ERP44: variants seen among roughly 807,000 people sequenced by gnomAD.
ERP44 encodes endoplasmic reticulum resident protein 44.
A neutral mutation model predicts 53.4 loss-of-function variants in ERP44; 25 were observed. The observed-to-expected ratio is 0.47, with a 90% CI of 0.34 to 0.65. The LOEUF is 0.65. ERP44 is among the 30% of genes least tolerant of loss of function. The pLI, the probability that ERP44 is intolerant of heterozygous loss-of-function variation, is 0.01. For synonymous variants in ERP44, 145 were observed against 161.2 expected, an observed-to-expected ratio of 0.90 and a Z score of 0.76; for missense variants, 338 against 493.2, an observed-to-expected ratio of 0.69 and a Z score of 2.98.
At chr9:100,069,221 T>C (rs1263051618) in intron 1 of ERP44, among the ~76,000 whole-genome samples, 25 of 148,088 alleles carry the variant, frequency 1.7e-4, no homozygotes, top group African/African-American at 6.0e-4. Flanking sequence ...CTGCTGACCC[T>C]CCCTCCATTA....
At chr9:100,040,970 T>C (rs1046775935) in intron 4 of ERP44, among the ~76,000 whole-genome samples, 2 of 151,972 alleles carry the variant, frequency 1.3e-5, no homozygotes, top group Non-Finnish European at 2.9e-5. Flanking sequence ...TCTACAATGA[T>C]AATTATAAAA....
chr9:99,993,490 A>G (rs1314053010), intron 10 of ERP44, among the ~76,000 whole-genome samples: 1 of 152,236 alleles, frequency 6.6e-6, no homozygotes, highest in African/African-American at 2.4e-5. Context: ...TCCCTTCCTT[A>G]CACCATATAC....
At chr9:100,033,707 A>G (rs1825819224) in intron 4 of ERP44, among the ~76,000 whole-genome samples, 1 of 152,168 alleles carries the variant, frequency 6.6e-6, no homozygotes, top group Admixed American at 6.5e-5. Flanking sequence ...TTTTTCTGCT[A>G]TTGAGACTGA....
intron 4 of ERP44, among the ~76,000 whole-genome samples, chr9:100,038,149 A>G (rs1331020361): frequency 2.0e-5 from 3 of 152,226 alleles, no homozygotes; most frequent in African/African-American, 4.8e-5. Context: ...GTTAATAATA[A>G]GAAATCATCT....
intron 5 of ERP44, among the ~76,000 whole-genome samples, chr9:100,021,595 A>C (rs1254054907): frequency 2.6e-5 from 4 of 152,208 alleles, no homozygotes. Flanking sequence ...GTTATCTTTA[A>C]AACACTACCT....
chr9:100,014,173 T>C (rs960568604), intron 8 of ERP44, among the ~76,000 whole-genome samples: 1 of 152,248 alleles, frequency 6.6e-6, no homozygotes, highest in Non-Finnish European at 1.5e-5. Context: ...AAATACTTTA[T>C]TTCTTGACTT....
chr9:100,027,359 T>A (rs888263387), intron 4 of ERP44, among the ~76,000 whole-genome samples: 1 of 152,252 alleles, frequency 6.6e-6, no homozygotes, highest in Non-Finnish European at 1.5e-5. Context: ...GCAGCAGGTA[T>A]GCTGCATAAT....
chr9:100,093,261 ATGAC>A (rs552871522), intron 1 of ERP44, among the ~76,000 whole-genome samples: 107 of 152,354 alleles, frequency 7.0e-4, no homozygotes, highest in African/African-American at 2.4e-3. Context: ...TATCAGACAT[ATGAC>A]TGAATTCACA....
At chr9:100,049,532 T>C (rs1482920377) in intron 4 of ERP44, among the ~76,000 whole-genome samples, 1 of 152,200 alleles carries the variant, frequency 6.6e-6, no homozygotes, top group Admixed American at 6.5e-5. Flanking sequence ...TCATTAATTA[T>C]TAGAAAAATG....
intron 1 of ERP44, among the ~76,000 whole-genome samples, chr9:100,081,040 T>C (rs865791240): frequency 1.3e-5 from 2 of 151,414 alleles, no homozygotes; most frequent in Admixed American, 6.6e-5. Flanking sequence ...AAAAAAAATA[T>C]GAAAATCAAG....
chr9:100,005,356 T>C (rs1161209825), intron 10 of ERP44, among the ~76,000 whole-genome samples: 2 of 152,224 alleles, frequency 1.3e-5, no homozygotes, highest in East Asian at 3.8e-4. Flanking sequence ...TACTTGGTTA[T>C]GAATTCTTTG....
intron 2 of ERP44, among the ~76,000 whole-genome samples, chr9:100,059,461 G>C (rs1826118493): frequency 6.6e-6 from 1 of 152,162 alleles, no homozygotes; most frequent in African/African-American, 2.4e-5. Context: ...CAAGATGAGA[G>C]GACTGCTTGA....
At chr9:99,983,719 C>A (rs1830171927) in intron 11 of ERP44, among the ~76,000 whole-genome samples, 1 of 152,158 alleles carries the variant, frequency 6.6e-6, no homozygotes, top group South Asian at 2.1e-4. Context: ...CACATTAATT[C>A]TAACAGGAAG....
At chr9:100,072,020 T>C (rs974846238) in intron 1 of ERP44, among the ~76,000 whole-genome samples, 2 of 152,362 alleles carry the variant, frequency 1.3e-5, no homozygotes, top group Admixed American at 6.5e-5. Context: ...AGAGGCCATA[T>C]ACTTCTTGAG....
intron 1 of ERP44, among the ~76,000 whole-genome samples, chr9:100,097,604 C>T (rs1014654586): frequency 6.6e-6 from 1 of 152,180 alleles, no homozygotes; most frequent in African/African-American, 2.4e-5. Context: ...GACACTCTAT[C>T]ATTTAATATT....
intron 4 of ERP44, among the ~76,000 whole-genome samples, chr9:100,039,599 G>T (rs1199015788): frequency 6.6e-6 from 1 of 151,790 alleles, no homozygotes; most frequent in Non-Finnish European, 1.5e-5. Context: ...ATAACCTAAT[G>T]ATACCTCTTA....
intron 1 of ERP44, among the ~76,000 whole-genome samples, chr9:100,093,233 T>C (rs1031410221): frequency 2.0e-5 from 3 of 151,904 alleles, no homozygotes; most frequent in Non-Finnish European, 4.4e-5. Flanking sequence ...TCTCCAAGGG[T>C]TTTTACAAAT....
chr9:100,071,695 G>A (rs1249425980), intron 1 of ERP44, among the ~76,000 whole-genome samples: 1 of 152,090 alleles, frequency 6.6e-6, no homozygotes, highest in Non-Finnish European at 1.5e-5. Context: ...TGAGGCAGGG[G>A]GATCACATGA....
intron 4 of ERP44, among the ~76,000 whole-genome samples, chr9:100,028,193 G>A (rs1350860576): frequency 6.6e-6 from 1 of 152,136 alleles, no homozygotes; most frequent in South Asian, 2.1e-4. Context: ...ACCTAATCAA[G>A]GACAATTACA....
Sources: allele counts gnomAD v4.1 joint callset (sites outside exome capture counted in the v4.1 genomes callset), GRCh38; gene constraint gnomAD v4.1.1; transcripts MANE v1.5; gene names NCBI Gene and HGNC (gene_info 2026-07-23, HGNC 2026-07-21).